SLC1A2: variants seen among roughly 807,000 people sequenced by gnomAD.
The protein encoded by SLC1A2 is solute carrier family 1 member 2.
Under a neutral mutation model 48.8 loss-of-function variants are expected in SLC1A2, and 15 were observed. The observed-to-expected ratio is 0.31, with a 90% CI of 0.21 to 0.47. SLC1A2 has a LOEUF of 0.47. SLC1A2 is among the 20% of genes least tolerant of loss of function. The pLI is 0.99. For synonymous variants in SLC1A2, 279 were observed against 272.6 expected (o/e 1.02, Z -0.23); for missense variants, 502 against 730.5 (o/e 0.69, Z 3.61).
intron 1 of SLC1A2, among the ~76,000 whole-genome samples, chr11:35,415,710 T>C (rs1855583625): frequency 6.6e-6 from 1 of 152,108 alleles, no homozygotes; most frequent in Non-Finnish European, 1.5e-5. Flanking sequence ...TCTGTTTCCC[T>C]TGCTCTTTAA....
At chr11:35,270,486 A>G (rs1327949190) in intron 9 of SLC1A2, among the ~76,000 whole-genome samples, 1 of 152,266 alleles carries the variant, frequency 6.6e-6, no homozygotes, top group Non-Finnish European at 1.5e-5. Flanking sequence ...TATTTATTCA[A>G]CAGATGTTTA....
At chr11:35,305,020 T>C (rs1043868682) in intron 5 of SLC1A2, among the ~76,000 whole-genome samples, 2 of 152,178 alleles carry the variant, frequency 1.3e-5, no homozygotes, top group Non-Finnish European at 2.9e-5. Flanking sequence ...ATCCAAACCT[T>C]TAGAAATTGT....
rs911972132 is a variant in SLC1A2 at position 35,413,029 on chromosome 11, G to C, written c.17+5921C>G. Among the ~76,000 whole-genome samples the C allele has an allele frequency of 4.6e-5, 7 of 152,192 alleles. 1 individual carries two copies. In the East Asian group the frequency reaches 1.3e-3, roughly 29 times the overall value. On this transcript the variant is annotated intron_variant, in intron 1 of 10. Transcript: ENST00000278379. ...AAGATCTTTTTTTTTACATAGAAAT[G>C]AGATTTTGAATAATTCTTCAAATCC... is the stretch of plus-strand genomic sequence containing the variant.
At position 35,312,242 on chromosome 11, in the gene SLC1A2, G is replaced by A; in HGVS notation, c.517C>T (p.Arg173Ter). The change falls in exon 4 of 11, where the codon CGA becomes TGA. Residue 173 changes from arginine (R) to a stop codon, truncating the protein, a stop_gained. Transcript: ENST00000278379. LOFTEE classifies it high-confidence loss of function. ...ACAAGGTTTTCAGGGAAGAGATTTC[G>A]AATAAGGTCCAGGAAGGCATCCAGG... ...SSLDAFLDLI[R>*]NLFPENLVQA... 1.9e-6 allele frequency: 3 copies of A among 1,614,076 alleles called. No homozygotes were observed. The highest frequency in any genetic ancestry group is 2.5e-6 in the Non-Finnish European group (3 of 1,179,976).
In SLC1A2 at chr11:35,386,177, A is replaced by T. The variant is rs572888882; in HGVS notation, c.17+32773T>A. 2.4e-3 allele frequency among the ~76,000 whole-genome samples: 361 copies of T among 152,198 alleles called. 1 individual carries two copies. The highest frequency in any genetic ancestry group is 8.3e-3 in the African/African-American group (346 of 41,520). Reference sequence around the variant, plus strand: ...CAAGACTCCATCTCAAAAAAATAAAATAAATAAAATAAAATAAAATAAAAA... The same window carrying T: ...CAAGACTCCATCTCAAAAAAATAAATTAAATAAAATAAAATAAAATAAAAA... On this transcript the variant is annotated intron_variant, in intron 1 of 10. Transcript: ENST00000278379.
chr11:35,390,472 G>C (rs1352220933), intron 1 of SLC1A2, among the ~76,000 whole-genome samples: 1 of 152,076 alleles, frequency 6.6e-6, no homozygotes, highest in Non-Finnish European at 1.5e-5. Flanking sequence ...AAGCAATATT[G>C]AGGTTACGTT....
At chr11:35,296,705 C>T (rs1851182495) in intron 6 of SLC1A2, among the ~76,000 whole-genome samples, 1 of 152,132 alleles carries the variant, frequency 6.6e-6, no homozygotes, top group Non-Finnish European at 1.5e-5. Flanking sequence ...ACTTCTTCCT[C>T]TTGGAATATT....
rs988319552 is a variant in SLC1A2, at chr11:35,254,841, T to C, written c.*6053A>G. The C allele has an allele frequency of 8.8e-6, 4 of 454,508 alleles. No individual in the cohort carries two copies. The highest frequency in any genetic ancestry group is 2.0e-5 in the African/African-American group (1 of 49,906). The allele number at this position is 454,508 out of a possible 1,614,324, so 28.2% of individuals were successfully genotyped here. A position where few individuals can be genotyped will look rare whatever the true frequency, so the allele number is the denominator to read the frequency against. On this transcript the variant is annotated 3_prime_UTR_variant, in exon 11 of 11. Coordinates refer to ENST00000278379, the MANE Select transcript of SLC1A2 (RefSeq NM_004171.4). The stretch of plus-strand genomic sequence containing the variant: ...AAAACCAGAAGGATTTTGTAAAATA[T>C]CAAAATGAATATTTGGCCTGGAGGT...
At chr11:35,378,731 C>A (rs1233683044) in intron 1 of SLC1A2, among the ~76,000 whole-genome samples, 1 of 152,212 alleles carries the variant, frequency 6.6e-6, no homozygotes, top group African/African-American at 2.4e-5. Context: ...GCAAGAGTGT[C>A]TCCAGACTAA....
chr11:35,384,464 G>A (rs1854525326), intron 1 of SLC1A2, among the ~76,000 whole-genome samples: 1 of 152,142 alleles, frequency 6.6e-6, no homozygotes, highest in South Asian at 2.1e-4. Flanking sequence ...TCTTGAATAA[G>A]GAAGACCCAC....
intron 7 of SLC1A2, among the ~76,000 whole-genome samples, chr11:35,287,523 T>G (rs571382237): frequency 6.6e-6 from 1 of 152,326 alleles, no homozygotes; most frequent in South Asian, 2.1e-4. Context: ...AGCAATTCAC[T>G]GGGGAACCTC....
intron 1 of SLC1A2, among the ~76,000 whole-genome samples, chr11:35,409,091 A>C (rs1351356871): frequency 1.3e-5 from 2 of 152,218 alleles, no homozygotes; most frequent in African/African-American, 2.4e-5. Flanking sequence ...ATAAGGGAAA[A>C]CACTCACGAA....
chr11:35,359,677 A>G (rs2135122388), intron 1 of SLC1A2, among the ~76,000 whole-genome samples: 1 of 152,384 alleles, frequency 6.6e-6, no homozygotes, highest in East Asian at 1.9e-4. Context: ...CATTCAGCGT[A>G]CCAAGTACTT....
chr11:35,371,196 C>A, intron 1 of SLC1A2: 1 of 391,196 alleles, frequency 2.6e-6, no homozygotes, highest in Non-Finnish European at 3.5e-6. Context: ...GAATGCAAGC[C>A]CCATTTCCTT....
intron 6 of SLC1A2, chr11:35,299,600 T>C (rs912478506): frequency 2.6e-5 from 4 of 152,076 alleles, no homozygotes; most frequent in Admixed American, 6.5e-5. Context: ...CATGAAATAG[T>C]GAGGAGCATC....
At chr11:35,301,403 G>C (rs904980353) in intron 6 of SLC1A2, 116 bp downstream of exon 6, 3 of 867,596 alleles carry the variant, frequency 3.5e-6, no homozygotes, top group Non-Finnish European at 5.3e-6. Flanking sequence ...AGTCTTTCTG[G>C]AAAGACATTT....
chr11:35,270,176 C>T (rs1392581754), intron 9 of SLC1A2, among the ~76,000 whole-genome samples: 1 of 152,068 alleles, frequency 6.6e-6, no homozygotes, highest in Non-Finnish European at 1.5e-5. Flanking sequence ...TGCTTTTATT[C>T]TTTTGATGCA....
intron 1 of SLC1A2, among the ~76,000 whole-genome samples, chr11:35,406,747 A>G (rs1307163487): frequency 2.7e-5 from 4 of 149,372 alleles, no homozygotes; most frequent in East Asian, 2.0e-4. Flanking sequence ...GTTTGTAGGG[A>G]AAAAAAAATC....
chr11:35,409,557 G>C (rs1467906579), intron 1 of SLC1A2, among the ~76,000 whole-genome samples: 1 of 152,126 alleles, frequency 6.6e-6, no homozygotes, highest in African/African-American at 2.4e-5. Context: ...GGAAGGACTG[G>C]AATGAAGAGA....
Sources: allele counts gnomAD v4.1 joint callset (sites outside exome capture counted in the v4.1 genomes callset), GRCh38; gene constraint gnomAD v4.1.1; transcripts MANE v1.5; gene names NCBI Gene and HGNC (gene_info 2026-07-23, HGNC 2026-07-21).